The following MAZ variants were observed in gnomAD, a reference collection of about 807,000 sequenced individuals.
The protein encoded by MAZ is myc-associated zinc finger protein.
In MAZ, 4 loss-of-function variants were observed where a neutral mutation model predicts 32.7. The observed-to-expected ratio is 0.12, with a 90% CI of 0.06 to 0.28. The LOEUF is 0.28. MAZ is among the 10% of genes least tolerant of loss of function. The probability of loss-of-function intolerance (pLI) is 1.00; values close to 1 mark genes in which losing one functional copy is unlikely to be tolerated. For synonymous variants in MAZ, 510 were observed against 297.6 expected, an observed-to-expected ratio of 1.71 and a Z score of -7.35; for missense variants, 763 against 667.2, an observed-to-expected ratio of 1.14 and a Z score of -1.58.
rs1249474094 is a variant in MAZ at position 29,810,776 on chromosome 16, G to GT, written c.*546dup. On this transcript the variant is annotated 3_prime_UTR_variant, in exon 5 of 5. Transcript: ENST00000322945. Reference sequence around the variant, plus strand: ...GGCAGAAGCAGGGCCGGCAAAGGTTGTACCTTCATAAGGTGGTATGGGGGG... The same window carrying GT: ...GGCAGAAGCAGGGCCGGCAAAGGTTGTTACCTTCATAAGGTGGTATGGGGGG... The GT allele has an allele frequency of 2.7e-6, 1 of 364,864 alleles. No homozygotes were observed. Among genetic ancestry groups the GT allele is most frequent in the East Asian group, 7.2e-5 (1 of 13,892 alleles). 22.6% of individuals were successfully genotyped at this position (364,864 alleles called of 1,614,324 possible).
At chr16:29,809,894 G>GC (rs1567372914) in intron 4 of MAZ, 183 bp from the exon 5 acceptor site, 5 of 1,135,262 alleles carry the variant, frequency 4.4e-6, no homozygotes, top group Admixed American at 2.4e-5. Flanking sequence ...AGACTTCTGG[G>GC]CACAGGGAGG....
intron 2 of MAZ, 179 bp from the exon 3 acceptor site, chr16:29,808,051 A>C (rs972436276): frequency 2.3e-5 from 23 of 1,014,492 alleles, no homozygotes; most frequent in East Asian, 1.8e-4. Context: ...GCGTGGGAGG[A>C]GGCGGCGGCG....
intron 4 of MAZ, chr16:29,809,333 A>G (rs937743125): frequency 6.9e-6 from 4 of 580,882 alleles, no homozygotes; most frequent in Non-Finnish European, 1.2e-5. Flanking sequence ...AAGGCTGAGA[A>G]GCGGGCACCA....
At chr16:29,809,462 C>T (rs982343219) in intron 4 of MAZ, 40 of 909,508 alleles carry the variant, frequency 4.4e-5, no homozygotes, top group Non-Finnish European at 6.5e-5. Flanking sequence ...GAGGGCATCC[C>T]CCGCCTAGGA....
At position 29,810,188 on chromosome 16, in the gene MAZ, G is replaced by A. The variant is rs1466529001; in HGVS notation, c.1391G>A (p.Gly464Glu). Reference protein sequence around the residue: ...TAVGSLSGAEGVPVSSQPLPS... With the variant: ...TAVGSLSGAEEVPVSSQPLPS... ...GTGGGCTCCCTCTCGGGGGCGGAGGGGGTGCCTGTGAGCTCTCAGCCACTT... is the reference window on the plus strand; with the variant it reads ...GTGGGCTCCCTCTCGGGGGCGGAGGAGGTGCCTGTGAGCTCTCAGCCACTT... The change falls in exon 5 of 5, where the codon GGG (glycine) becomes GAG (glutamate). Residue 464 changes from glycine to glutamate, a missense_variant. By Grantham distance (98) the Gly-to-Glu change is moderately conservative. Transcript: ENST00000322945. 3 of 1,606,426 alleles carry A rather than the reference G, an allele frequency of 1.9e-6. No individual in the cohort carries two copies. The highest frequency in any genetic ancestry group is 2.5e-6 in the Non-Finnish European group (3 of 1,176,722).
chr16:29,808,084 A>G (rs932522313), intron 2 of MAZ, 146 bp from the exon 3 acceptor site: 3 of 971,480 alleles, frequency 3.1e-6, no homozygotes, highest in Non-Finnish European at 4.7e-6. Context: ...GCTGGGCTCC[A>G]GGGGAGGGAT....
rs779960212 is a variant in MAZ, at chr16:29,807,409, C to T, written c.624C>T (p.His208=). 1.1e-4 allele frequency: 185 copies of T among 1,612,310 alleles called. No homozygotes were observed. Among genetic ancestry groups the T allele is most frequent in the Middle Eastern group, 1.6e-4 (1 of 6,080 alleles). The stretch of plus-strand genomic sequence containing the variant: ...AGAACGGCTACAATCTCCGGAGGCA[C>T]GAAGCCATCCACACGGGAGCCAAGG... ...EFKNGYNLRR[H]EAIHTGAKAG... The change falls in exon 2 of 5, where the codon CAC becomes CAT. Residue 208 remains histidine, a synonymous_variant. Transcript: ENST00000322945.
chr16:29,806,124 ACCT>A, upstream of MAZ: 1 of 481,078 alleles, frequency 2.1e-6, no homozygotes, highest in Non-Finnish European at 3.0e-6. Flanking sequence ...AGCGCGAGCC[ACCT>A]CCCTCCCTCC....
At chr16:29,808,044 T>C in intron 2 of MAZ, 186 bp from the exon 3 acceptor site, 1 of 1,054,116 alleles carries the variant, frequency 9.5e-7, no homozygotes, top group Non-Finnish European at 1.4e-6. Context: ...AAGCTTCGCG[T>C]GGGAGGAGGC....
chr16:29,809,874 C>T lies in MAZ; in HGVS notation c.1280-203C>T, dbSNP rs760225176. 2.3e-4 allele frequency: 235 copies of T among 1,037,268 alleles called. 2 individuals are homozygous for T. The highest frequency in any genetic ancestry group is 3.0e-4 in the Non-Finnish European group (213 of 718,780). 64.3% of individuals were successfully genotyped at this position (1,037,268 alleles called of 1,614,324 possible). On this transcript the variant is annotated intron_variant, in intron 4 of 4. Transcript: ENST00000322945. ...AGGCGAGGGATGCCCATGTACCACT[C>T]AGGCTAGGGAGACTTCTGGGCACAG... is the stretch of plus-strand genomic sequence containing the variant.
At chr16:29,809,618 T>C (rs755122885) in intron 4 of MAZ, 1 of 1,611,152 alleles carries the variant, frequency 6.2e-7, no homozygotes. Flanking sequence ...GACCGCATCC[T>C]GTGCAAGCTG....
chr16:29,810,105 GGCA>G lies in MAZ; in HGVS notation c.1311_1313del (p.Ala448del). ...CTGGTGAGGTTTGTCCAATGGCGGC[GGCA>G]GCGGCAGCGGCGGCAGCGGCAGCAG... is the stretch of plus-strand genomic sequence containing the variant. On this transcript the variant is annotated inframe_deletion, in exon 5 of 5. Transcript: ENST00000322945. The G allele has an allele frequency of 1.3e-6, 2 of 1,554,308 alleles. No homozygotes were observed. The highest frequency in any genetic ancestry group is 1.8e-6 in the Non-Finnish European group (2 of 1,141,260).
In MAZ at chr16:29,810,949, G is replaced by GT. The variant is rs1899927851; in HGVS notation, c.*719dup. 2.5e-6 allele frequency: 1 copy of GT among 406,964 alleles called. No individual in the cohort carries two copies. The allele number at this position is 406,964 out of a possible 1,614,324, so 25.2% of individuals were successfully genotyped here. On this transcript the variant is annotated 3_prime_UTR_variant, in exon 5 of 5. Coordinates refer to ENST00000322945, the MANE Select transcript of MAZ (RefSeq NM_002383.4). ...TGAGCGAGGGGTCCAGGGCCTAGAG[G>GT]TGCTTCCTGGGGGCGGGGGAATGCA...
chr16:29,807,055 C>T lies in MAZ; in HGVS notation c.270C>T (p.Ala90=), dbSNP rs1325723110. 3.9e-6 allele frequency: 4 copies of T among 1,016,612 alleles called. No homozygotes were observed. The highest frequency in any genetic ancestry group is 3.5e-5 in the African/African-American group (2 of 57,208). 63.0% of individuals were successfully genotyped at this position (1,016,612 alleles called of 1,614,324 possible). ...AGGTGGACTTGCTCCCGGTGCTCGC[C>T]GCCGCCCAGGAGTCCGCCGCGGCTG... ...PLQVDLLPVL[A]AAQESAAAAA... is the part of the protein sequence containing the mutation. Residue 90 remains alanine (A), a synonymous_variant, in exon 2 of 5, where the codon GCC becomes GCT. Coordinates refer to ENST00000322945, the MANE Select transcript of MAZ (RefSeq NM_002383.4).
At chr16:29,808,763 G>A in intron 4 of MAZ, 22 bp downstream of exon 4, 1 of 1,610,698 alleles carries the variant, frequency 6.2e-7, no homozygotes, top group Non-Finnish European at 8.5e-7. Context: ...GGGCTGCCGG[G>A]AGGGCCAGGG....
intron 4 of MAZ, chr16:29,809,536 A>G: frequency 6.3e-7 from 1 of 1,595,974 alleles, no homozygotes; most frequent in Non-Finnish European, 8.6e-7. Flanking sequence ...CCACCCCCCA[A>G]TAGGCTTCAC....
chr16:29,810,550 C>A lies in MAZ; in HGVS notation c.*319C>A. The A allele has an allele frequency of 1.4e-6, 1 of 700,542 alleles. No individual in the cohort carries two copies. The highest frequency in any genetic ancestry group is 2.6e-6 in the Non-Finnish European group (1 of 384,032). 43.4% of individuals were successfully genotyped at this position (700,542 alleles called of 1,614,324 possible). A position where few individuals can be genotyped will look rare whatever the true frequency, so the allele number is the denominator to read the frequency against. ...CCTCTCCTCTCTGTAAGCCCATGCC[C>A]TGTCTTCCCAGGGACTTGTGAGCCT... On this transcript the variant is annotated 3_prime_UTR_variant, in exon 5 of 5. Coordinates refer to ENST00000322945, the MANE Select transcript of MAZ (RefSeq NM_002383.4).
chr16:29,807,879 G>C (rs765657220), intron 2 of MAZ, 51 bp downstream of exon 2: 1 of 1,582,500 alleles, frequency 6.3e-7, no homozygotes, highest in East Asian at 2.2e-5. Context: ...GGAGGGACGC[G>C]ACGGAGGTGG....
chr16:29,809,138 A>G, intron 4 of MAZ: 1 of 500,296 alleles, frequency 2.0e-6, no homozygotes, highest in Non-Finnish European at 3.5e-6. Flanking sequence ...CGCACCCTGC[A>G]CGGGTAGCAG....
Sources: allele counts gnomAD v4.1 joint callset, GRCh38; gene constraint gnomAD v4.1.1; transcripts MANE v1.5; gene names NCBI Gene and HGNC (gene_info 2026-07-23, HGNC 2026-07-21).